TBXAS1: variants seen among roughly 807,000 people sequenced by gnomAD.
The protein encoded by TBXAS1 is thromboxane-A synthase.
Under a neutral mutation model 60.7 loss-of-function variants are expected in TBXAS1, and 48 were observed. That is an observed-to-expected ratio of 0.79 (90% confidence interval 0.63 to 1.01). The LOEUF (loss-of-function observed/expected upper bound fraction) is 1.01. TBXAS1 is among the 50% of genes least tolerant of loss of function. The pLI is 0.00. For missense variants in TBXAS1, 685 were observed against 686.3 expected (o/e 1.00, Z 0.02); for synonymous variants, 287 against 269.7 (o/e 1.06, Z -0.63).
At position 139,835,893 on chromosome 7, in the gene TBXAS1, A is replaced by G. The variant is rs369993268; in HGVS notation, c.89+6414A>G. Among the ~76,000 whole-genome samples, 40 of 152,254 alleles carry G rather than the reference A, an allele frequency of 2.6e-4. No homozygotes were observed. In the South Asian group the frequency reaches 8.3e-3, roughly 32 times the overall value. Reference sequence around the variant, plus strand: ...CCTTGAAAACCCTCAGGCCTCCTCCAGAAAGCTCCTAGAACTGATAAAAGA... The same window carrying G: ...CCTTGAAAACCCTCAGGCCTCCTCCGGAAAGCTCCTAGAACTGATAAAAGA... On this transcript the variant is annotated intron_variant, in intron 1 of 12. Transcript: ENST00000448866.
chr7:139,956,882 G>A (rs1359779611), intron 7 of TBXAS1, among the ~76,000 whole-genome samples: 1 of 152,242 alleles, frequency 6.6e-6, no homozygotes, highest in African/African-American at 2.4e-5. Context: ...TCGGACTCTG[G>A]CTCTTGAAAA....
At chr7:139,894,038 A>AG (rs926037032) in intron 3 of TBXAS1, among the ~76,000 whole-genome samples, 1 of 152,162 alleles carries the variant, frequency 6.6e-6, no homozygotes, top group African/African-American at 2.4e-5. Context: ...GCTGAGGGCC[A>AG]GGGGGGAGGC....
intron 5 of TBXAS1, among the ~76,000 whole-genome samples, chr7:139,939,544 C>T (rs1412250783): frequency 6.6e-6 from 1 of 151,794 alleles, no homozygotes; most frequent in Non-Finnish European, 1.5e-5. Flanking sequence ...ATCCCAGAGG[C>T]AGGAGAAGTT....
At chr7:139,869,853 G>C (rs1245340153) in intron 1 of TBXAS1, among the ~76,000 whole-genome samples, 3 of 152,168 alleles carry the variant, frequency 2.0e-5, no homozygotes, top group Non-Finnish European at 4.4e-5. Flanking sequence ...AGAACGTGTT[G>C]AGACAGTCAG....
At chr7:139,995,197 C>G (rs1459048480) in intron 9 of TBXAS1, among the ~76,000 whole-genome samples, 1 of 152,142 alleles carries the variant, frequency 6.6e-6, no homozygotes, top group Admixed American at 6.5e-5. Context: ...GGGGAGGGGT[C>G]TGGCACCAGC....
In TBXAS1 at chr7:139,905,177, C is replaced by T. The variant is rs190853593; in HGVS notation, c.237-6048C>T. On this transcript the variant is annotated intron_variant, in intron 3 of 12. Coordinates refer to ENST00000448866, the MANE Select transcript of TBXAS1 (RefSeq NM_001061.7). ...GTTGAAGAGGAGTGGTGGGAGTGGGCATCCTTGTCTTGTTCCAGTTCCGAG... is the reference window on the plus strand; with the variant it reads ...GTTGAAGAGGAGTGGTGGGAGTGGGTATCCTTGTCTTGTTCCAGTTCCGAG... 7.4e-3 allele frequency among the ~76,000 whole-genome samples: 1,116 copies of T among 151,730 alleles called. 17 individuals are homozygous for T. The highest frequency in any genetic ancestry group is 0.026 in the African/African-American group (1,062 of 41,316).
intron 4 of TBXAS1, among the ~76,000 whole-genome samples, chr7:139,921,597 G>A (rs1251948905): frequency 1.3e-5 from 2 of 152,204 alleles, no homozygotes; most frequent in Non-Finnish European, 2.9e-5. Context: ...CAGGTACTCA[G>A]GAGACTGAGG....
At chr7:139,845,480 A>G (rs1167873360) in intron 1 of TBXAS1, among the ~76,000 whole-genome samples, 1 of 151,972 alleles carries the variant, frequency 6.6e-6, no homozygotes, top group Non-Finnish European at 1.5e-5. Context: ...CCTCTTCTGC[A>G]TCTCCTAGGT....
intron 3 of TBXAS1, among the ~76,000 whole-genome samples, chr7:139,884,833 G>A (rs952691648): frequency 1.8e-4 from 27 of 152,216 alleles, no homozygotes; most frequent in Admixed American, 1.5e-3. Flanking sequence ...GGGTCTCAGC[G>A]GTGAGGGCTC....
At position 139,918,614 on chromosome 7, in the gene TBXAS1, T is replaced by C. The variant is rs148498317; in HGVS notation, c.333+7293T>C. On this transcript the variant is annotated intron_variant, in intron 4 of 12. Coordinates refer to ENST00000448866, the MANE Select transcript of TBXAS1 (RefSeq NM_001061.7). The stretch of plus-strand genomic sequence containing the variant: ...CCCTCACTGTCAGCTTTGGGGCTGA[T>C]AGAAGCACAGTTCCAAGCGCCTGGC... Among the ~76,000 whole-genome samples, 66 of 152,328 alleles carry C rather than the reference T, an allele frequency of 4.3e-4. 2 individuals carry two copies. The East Asian group carries it at 0.012, about 28-fold the overall frequency.
At chr7:139,846,507 C>T (rs1223149635) in intron 1 of TBXAS1, among the ~76,000 whole-genome samples, 3 of 152,144 alleles carry the variant, frequency 2.0e-5, no homozygotes, top group African/African-American at 4.8e-5. Flanking sequence ...AGCTCAGGGT[C>T]AATAAACATT....
chr7:139,822,311 C>T (rs1045661244), intron 4 of TBXAS1, among the ~76,000 whole-genome samples: 7 of 152,066 alleles, frequency 4.6e-5, no homozygotes, highest in African/African-American at 1.4e-4. Flanking sequence ...TTTTTCCAGG[C>T]ATCTCTTTGG....
At chr7:139,912,933 G>A (rs1028388483) in intron 4 of TBXAS1, 2 of 596,176 alleles carry the variant, frequency 3.4e-6, no homozygotes, top group Non-Finnish European at 6.1e-6. Context: ...GGATTCATGT[G>A]CCATCTCTCA....
intron 9 of TBXAS1, among the ~76,000 whole-genome samples, chr7:139,994,617 G>GA (rs112285103): frequency 0.022 from 3,205 of 147,082 alleles, 42 homozygotes; most frequent in Non-Finnish European, 0.03. Flanking sequence ...TGGAAAAAAA[G>GA]AAAAAAAAAA....
At chr7:139,954,505 A>G (rs1365757399) in intron 6 of TBXAS1, among the ~76,000 whole-genome samples, 1 of 152,272 alleles carries the variant, frequency 6.6e-6, no homozygotes, top group Admixed American at 6.5e-5. Flanking sequence ...TGTGAATTTT[A>G]AAAGTCATCT....
chr7:139,823,236 C>T (rs1033766828), intron 4 of TBXAS1, among the ~76,000 whole-genome samples: 3 of 151,924 alleles, frequency 2.0e-5, no homozygotes, highest in Non-Finnish European at 2.9e-5. Context: ...AACTATAAGA[C>T]GGACGGAACT....
chr7:139,913,170 G>A, intron 4 of TBXAS1: 1 of 702,096 alleles, frequency 1.4e-6, no homozygotes, highest in Non-Finnish European at 2.6e-6. Flanking sequence ...GATGGCCGAA[G>A]GAATTGCAGA....
chr7:140,019,352 T>A (rs1015653555), intron 12 of TBXAS1, among the ~76,000 whole-genome samples: 1 of 152,150 alleles, frequency 6.6e-6, no homozygotes, highest in African/African-American at 2.4e-5. Flanking sequence ...GTGCGGGGCT[T>A]GTCTCACTTC....
chr7:139,869,745 T>G (rs955445984), intron 1 of TBXAS1, among the ~76,000 whole-genome samples: 2 of 152,174 alleles, frequency 1.3e-5, no homozygotes, highest in African/African-American at 2.4e-5. Context: ...CAAGTCACAT[T>G]CTGAGATTAG....
Sources: gnomAD v4.1 joint callset for allele counts (sites outside exome capture counted in the v4.1 genomes callset) on GRCh38, gnomAD v4.1.1 for gene constraint, MANE v1.5 for transcripts, NCBI Gene and HGNC (gene_info 2026-07-23, HGNC 2026-07-21) for gene names.